DYNC1LI2: variants seen among roughly 807,000 people sequenced by gnomAD.
DYNC1LI2 encodes the protein cytoplasmic dynein 1 light intermediate chain 2.
DYNC1LI2 carries 19 observed loss-of-function variants against 57.8 expected under a neutral mutation model. The ratio of observed to expected loss-of-function variants is 0.33; its 90% CI spans 0.23 to 0.48. The LOEUF (loss-of-function observed/expected upper bound fraction) is 0.48, where lower values mean the gene tolerates loss of function less well. DYNC1LI2 is among the 20% of genes least tolerant of loss of function. DYNC1LI2 has a pLI of 0.99. For synonymous variants in DYNC1LI2, 256 were observed against 233.4 expected (o/e 1.10, Z -0.88); for missense variants, 470 against 604.2 (o/e 0.78, Z 2.33).
chr16:66,742,070 G>A (rs540211055), intron 4 of DYNC1LI2, among the ~76,000 whole-genome samples: 77 of 152,170 alleles, frequency 5.1e-4, no homozygotes, highest in Non-Finnish European at 9.3e-4. Flanking sequence ...GTAAACTCAA[G>A]CTGCAGAGAC....
intron 3 of DYNC1LI2, among the ~76,000 whole-genome samples, chr16:66,746,879 C>T (rs2017944890): frequency 6.6e-6 from 1 of 152,214 alleles, no homozygotes; most frequent in Non-Finnish European, 1.5e-5. Context: ...GCATGGCATT[C>T]TGAACGAGTT....
rs533397006 is a variant in DYNC1LI2, at chr16:66,722,989, G to A, written c.*733C>T. The A allele has an allele frequency of 2.2e-4, 53 of 238,454 alleles. No individual in the cohort carries two copies. Among genetic ancestry groups the A allele is most frequent in the African/African-American group, 1.2e-3 (52 of 44,912 alleles). The allele number at this position is 238,454 out of a possible 1,614,324, so 14.8% of individuals were successfully genotyped here. On this transcript the variant is annotated 3_prime_UTR_variant, in exon 13 of 13. Transcript: ENST00000258198. ...CCGTGGACCCCAGTACCTCTCACGA[G>A]GACATAGCCTGGGCCAAGCACATGG...
chr16:66,737,510 ATG>A lies in DYNC1LI2; in HGVS notation c.530-1268_530-1267del, dbSNP rs1567453395. Among the ~76,000 whole-genome samples the A allele has an allele frequency of 8.8e-5, 12 of 136,144 alleles. 2 individuals are homozygous for A. The highest frequency in any genetic ancestry group is 2.5e-4 in the South Asian group (1 of 4,078). The allele number at this position is 136,144 out of a possible 152,430, so 89.3% of individuals were successfully genotyped here. On this transcript the variant is annotated intron_variant, in intron 4 of 12. Coordinates refer to ENST00000258198, the MANE Select transcript of DYNC1LI2 (RefSeq NM_006141.3). The stretch of plus-strand genomic sequence containing the variant: ...CGTCTCAAAAAAAAAAAAAAAAAAA[ATG>A]CTTAATGAAACAATTGAATTTTATA...
At chr16:66,736,946 A>G (rs961043835) in intron 4 of DYNC1LI2, among the ~76,000 whole-genome samples, 5 of 152,238 alleles carry the variant, frequency 3.3e-5, no homozygotes, top group African/African-American at 7.2e-5. Flanking sequence ...AGAAACAGCT[A>G]TAACTTACAA....
chr16:66,730,370 T>C (rs1347599633), intron 7 of DYNC1LI2, 147 bp from the exon 8 acceptor site: 3 of 642,200 alleles, frequency 4.7e-6, no homozygotes, highest in Non-Finnish European at 7.9e-6. Flanking sequence ...TTGGCAGATG[T>C]GCCAAAATAC....
Position 66,725,960 on chromosome 16 carries a change from G to T in DYNC1LI2, c.1262-16C>A, listed in dbSNP as rs368490019. 2 of 1,598,442 alleles carry T rather than the reference G, an allele frequency of 1.3e-6. No homozygotes were observed. Among genetic ancestry groups the T allele is most frequent in the African/African-American group, 2.7e-5 (2 of 73,528 alleles). ...GCTGCATTATCTAAGGAAAATTAAA[G>T]AGAAAAAAAAGCATCATATAAACTG... On this transcript the variant is annotated splice_polypyrimidine_tract_variant and intron_variant, in intron 11 of 12. Coordinates refer to ENST00000258198, the MANE Select transcript of DYNC1LI2 (RefSeq NM_006141.3).
chr16:66,735,135 ACT>A (rs776436928), intron 5 of DYNC1LI2, among the ~76,000 whole-genome samples: 11 of 132,464 alleles, frequency 8.3e-5, no homozygotes, highest in South Asian at 4.7e-4. Flanking sequence ...ACATAGTCTC[ACT>A]GTGTCATCCC....
intron 11 of DYNC1LI2, among the ~76,000 whole-genome samples, chr16:66,726,556 G>C (rs2017539390): frequency 6.6e-6 from 1 of 152,364 alleles, no homozygotes; most frequent in South Asian, 2.1e-4. Flanking sequence ...CACTTGGGGA[G>C]ACCAAGGGCG....
In DYNC1LI2 at chr16:66,722,343, G is replaced by A. The variant is rs2017463027; in HGVS notation, c.*1379C>T. The A allele has an allele frequency of 6.6e-6, 1 of 152,466 alleles. No individual in the cohort carries two copies. Among genetic ancestry groups the A allele is most frequent in the Non-Finnish European group, 1.5e-5 (1 of 68,004 alleles). The allele number at this position is 152,466 out of a possible 1,614,324, so 9.4% of individuals were successfully genotyped here. A position where few individuals can be genotyped will look rare whatever the true frequency, so the allele number is the denominator to read the frequency against. On this transcript the variant is annotated 3_prime_UTR_variant, in exon 13 of 13. Coordinates refer to ENST00000258198, the MANE Select transcript of DYNC1LI2 (RefSeq NM_006141.3). ...ATGGTGAACTGTGGTTTTTTCCCTT[G>A]GTTTGACAACATTTTATACATTAAA...
At chr16:66,747,791 G>C (rs1482752469) in intron 3 of DYNC1LI2, among the ~76,000 whole-genome samples, 1 of 151,540 alleles carries the variant, frequency 6.6e-6, no homozygotes, top group African/African-American at 2.4e-5. Flanking sequence ...GGCTGGTCTT[G>C]AACTCCTGAT....
At chr16:66,735,852 A>G (rs1388892576) in intron 5 of DYNC1LI2, among the ~76,000 whole-genome samples, 1 of 152,200 alleles carries the variant, frequency 6.6e-6, no homozygotes, top group African/African-American at 2.4e-5. Flanking sequence ...CTTCAGAGAC[A>G]TTAACCCTAG....
intron 4 of DYNC1LI2, chr16:66,739,310 G>GT (rs1364819778): frequency 6.6e-6 from 1 of 152,138 alleles, no homozygotes; most frequent in Admixed American, 6.5e-5. Flanking sequence ...CTTTTCTGCT[G>GT]TTTTTTACCT....
chr16:66,750,925 C>T (rs1301543524), intron 2 of DYNC1LI2, among the ~76,000 whole-genome samples: 2 of 152,228 alleles, frequency 1.3e-5, no homozygotes, highest in Admixed American at 6.5e-5. Flanking sequence ...AGCTCCGAGC[C>T]CAGGTCACCT....
intron 4 of DYNC1LI2, among the ~76,000 whole-genome samples, chr16:66,741,508 C>T (rs907689511): frequency 9.2e-5 from 14 of 152,204 alleles, no homozygotes; most frequent in Admixed American, 9.2e-4. Flanking sequence ...AGAAAACACA[C>T]TGCGAGAAAC....
intron 7 of DYNC1LI2, chr16:66,731,842 A>C (rs1596988670): frequency 6.5e-6 from 1 of 152,792 alleles, no homozygotes; most frequent in Admixed American, 6.5e-5. Context: ...CCAGCTTAGG[A>C]AAACAGGTAT....
chr16:66,747,137 T>C (rs146550789), intron 3 of DYNC1LI2, among the ~76,000 whole-genome samples: 4,439 of 151,034 alleles, frequency 0.029, 93 homozygotes, highest in Non-Finnish European at 0.043. Flanking sequence ...TGGAGTGCAG[T>C]GGCACAATCT....
intron 3 of DYNC1LI2, among the ~76,000 whole-genome samples, chr16:66,744,629 C>T (rs555886866): frequency 3.2e-4 from 49 of 152,046 alleles, no homozygotes; most frequent in Admixed American, 2.5e-3. Flanking sequence ...CCGCCGCAAC[C>T]GCCGCCACCC....
intron 5 of DYNC1LI2, among the ~76,000 whole-genome samples, chr16:66,734,814 T>C (rs995937152): frequency 1.3e-5 from 2 of 151,710 alleles, no homozygotes; most frequent in Non-Finnish European, 1.5e-5. Flanking sequence ...CTGACCAACA[T>C]GGAGAAACCC....
At chr16:66,726,967 A>G (rs2017547857) in intron 11 of DYNC1LI2, among the ~76,000 whole-genome samples, 1 of 151,466 alleles carries the variant, frequency 6.6e-6, no homozygotes, top group Non-Finnish European at 1.5e-5. Context: ...CCCTGGCTGG[A>G]GCATGGTGGC....
Sources: allele counts gnomAD v4.1 joint callset (sites outside exome capture counted in the v4.1 genomes callset), GRCh38; gene constraint gnomAD v4.1.1; transcripts MANE v1.5; gene names NCBI Gene and HGNC (gene_info 2026-07-23, HGNC 2026-07-21).